Variants in SCML2 observed in about 807,000 individuals in gnomAD.
SCML2 encodes the protein Scm polycomb group protein like 2, also known as sex comb on midleg-like protein 2.
SCML2 carries 6 observed loss-of-function variants against 48.4 expected under a neutral mutation model. The ratio of observed to expected loss-of-function variants is 0.12; its 90% CI spans 0.07 to 0.24. The LOEUF (loss-of-function observed/expected upper bound fraction) is 0.24. Ranked by LOEUF, SCML2 falls within the 10% of genes least tolerant of loss-of-function variation. The pLI, the probability that SCML2 is intolerant of heterozygous loss-of-function variation, is 1.00. For synonymous variants in SCML2, 181 were observed against 189.5 expected (o/e 0.95, Z 0.37); for missense variants, 377 against 528.2 (o/e 0.71, Z 2.81).
At chrX:18,327,187 T>C (rs1404624719) in intron 3 of SCML2, among the ~76,000 whole-genome samples, 2 of 109,061 alleles carry the variant, frequency 1.8e-5, no homozygotes, top group African/African-American at 6.7e-5. Context: ...CTGGCCAACA[T>C]GGCGAAACCC....
intron 11 of SCML2, among the ~76,000 whole-genome samples, chrX:18,256,105 C>T (rs773030279): frequency 9.0e-6 from 1 of 111,455 alleles, no homozygotes; most frequent in African/African-American, 3.3e-5. Flanking sequence ...ATTCAGGCAT[C>T]GGTTTGGGGT....
intron 6 of SCML2, among the ~76,000 whole-genome samples, chrX:18,307,159 C>G (rs777153837): frequency 4.5e-5 from 5 of 110,162 alleles, no homozygotes; most frequent in Non-Finnish European, 9.5e-5. Flanking sequence ...GGCAGCACAC[C>G]TGTAGTCCCA....
At chrX:18,325,283 T>C (rs927796104) in intron 3 of SCML2, among the ~76,000 whole-genome samples, 4 of 111,814 alleles carry the variant, frequency 3.6e-5, no homozygotes, top group African/African-American at 9.7e-5. Context: ...ACTAAAGAAA[T>C]TGTTTTAGAG....
intron 7 of SCML2, among the ~76,000 whole-genome samples, chrX:18,274,502 T>C (rs1412190026): frequency 1.8e-5 from 2 of 112,160 alleles, no homozygotes; most frequent in Non-Finnish European, 3.8e-5. Flanking sequence ...CTCTAGCCCA[T>C]AAGCATGATC....
At chrX:18,330,741 A>G (rs758689456) in intron 2 of SCML2, 86 bp from the exon 3 acceptor site, 11 of 516,983 alleles carry the variant, frequency 2.1e-5, no homozygotes, top group Admixed American at 8.7e-5. Flanking sequence ...AAAAACTTTA[A>G]AGAGCCAATT....
chrX:18,321,421 C>T (rs1419463847), intron 5 of SCML2, among the ~76,000 whole-genome samples: 1 of 109,882 alleles, frequency 9.1e-6, no homozygotes, highest in Admixed American at 9.8e-5. Flanking sequence ...ACTTGGTATG[C>T]GCCCCTGATG....
chrX:18,241,952 T>A (rs1022918155), intron 14 of SCML2, among the ~76,000 whole-genome samples: 3 of 112,394 alleles, frequency 2.7e-5, no homozygotes, highest in Non-Finnish European at 5.6e-5. Flanking sequence ...GGCATCCTCC[T>A]AAAATTCTTT....
chrX:18,347,477 C>T (rs1234188728), intron 1 of SCML2, among the ~76,000 whole-genome samples: 3 of 105,596 alleles, frequency 2.8e-5, no homozygotes, highest in Admixed American at 2.1e-4. Context: ...TTAGGCCGGG[C>T]GCAGGGGCTC....
chrX:18,302,155 CTTTTT>C (rs1928613333), intron 7 of SCML2, among the ~76,000 whole-genome samples: 1 of 107,375 alleles, frequency 9.3e-6, no homozygotes, highest in Non-Finnish European at 1.9e-5. Flanking sequence ...TTTTTTTTTT[CTTTTT>C]AACACTGTAC....
At chrX:18,246,551 T>C (rs752547092) in intron 13 of SCML2, 26 bp downstream of exon 13, 1 of 1,176,046 alleles carries the variant, frequency 8.5e-7, no homozygotes, top group Admixed American at 2.4e-5. Context: ...GACAAACACA[T>C]TGAGAGTCAC....
intron 11 of SCML2, among the ~76,000 whole-genome samples, chrX:18,248,818 A>G (rs1315914197): frequency 8.9e-6 from 1 of 112,433 alleles, no homozygotes; most frequent in African/African-American, 3.2e-5. Flanking sequence ...GTTCTAAAAT[A>G]TAGTTTTCTA....
chrX:18,243,558 TGAA>T (rs1926341852), intron 13 of SCML2, among the ~76,000 whole-genome samples: 2 of 112,183 alleles, frequency 1.8e-5, no homozygotes, highest in South Asian at 3.7e-4. Flanking sequence ...ATCTGAATTT[TGAA>T]GAAGACAAGA....
intron 7 of SCML2, among the ~76,000 whole-genome samples, chrX:18,281,756 G>A (rs1358029862): frequency 1.8e-4 from 17 of 93,166 alleles, no homozygotes; most frequent in Non-Finnish European, 3.0e-4. Context: ...AAAGGAACTA[G>A]AAAGAAAAAA....
chrX:18,287,690 T>C (rs1226015578), intron 7 of SCML2, among the ~76,000 whole-genome samples: 2 of 111,803 alleles, frequency 1.8e-5, no homozygotes, highest in Non-Finnish European at 3.8e-5. Context: ...TTTAGTAAAA[T>C]TTACATCGTT....
chrX:18,299,370 T>A (rs76520777), intron 7 of SCML2, among the ~76,000 whole-genome samples: 1 of 109,285 alleles, frequency 9.2e-6, no homozygotes, highest in East Asian at 2.9e-4. Flanking sequence ...AAAAAAAAAT[T>A]AGCCAGGCAT....
At chrX:18,330,052 T>C (rs1929605295) in intron 3 of SCML2, among the ~76,000 whole-genome samples, 1 of 112,030 alleles carries the variant, frequency 8.9e-6, no homozygotes, top group South Asian at 3.7e-4. Flanking sequence ...CACTCCAGCC[T>C]GGGTGACACA....
chrX:18,348,529 A>C (rs372154192), intron 1 of SCML2, among the ~76,000 whole-genome samples: 1 of 111,896 alleles, frequency 8.9e-6, no homozygotes, highest in South Asian at 3.7e-4. Flanking sequence ...TTTCAACACA[A>C]AAAAAATCTC....
rs762771924 is a variant in SCML2, at chrX:18,297,180, G to A, written c.730+7792C>T. 2.0e-4 allele frequency among the ~76,000 whole-genome samples: 22 copies of A among 111,946 alleles called. No homozygotes were observed. In the South Asian group the frequency reaches 7.1e-3, roughly 36 times the overall value. On this transcript the variant is annotated intron_variant, in intron 7 of 14. Coordinates refer to ENST00000251900, the MANE Select transcript of SCML2 (RefSeq NM_006089.3). ...GAAAAAGCATTTGATAAAATCTAAC[G>A]TCCTTCATGATTAAAAACTCTCAAC...
At chrX:18,305,576 T>C (rs780757139) in intron 6 of SCML2, among the ~76,000 whole-genome samples, 3 of 111,720 alleles carry the variant, frequency 2.7e-5, no homozygotes, top group South Asian at 3.8e-4. Context: ...CTGGTGATAG[T>C]AGTGGTTGCG....
Sources: gnomAD v4.1 joint callset for allele counts (sites outside exome capture counted in the v4.1 genomes callset) on GRCh38, gnomAD v4.1.1 for gene constraint, MANE v1.5 for transcripts, NCBI Gene and HGNC (gene_info 2026-07-23, HGNC 2026-07-21) for gene names.